The following HEATR4 variants were observed in gnomAD, a reference collection of about 807,000 sequenced individuals.
HEATR4 encodes HEAT repeat containing 4.
A neutral mutation model predicts 108.8 loss-of-function variants in HEATR4; 95 were observed. That is an observed-to-expected ratio of 0.87 (90% CI 0.74 to 1.04). The LOEUF is 1.04. Among genes scored for constraint, HEATR4 ranks in the 50% least tolerant of loss-of-function variants. HEATR4 has a pLI of 0.00. For missense variants in HEATR4, 1,152 were observed against 1,253.8 expected (o/e 0.92, Z 1.23); for synonymous variants, 443 against 459.4 (o/e 0.96, Z 0.46).
chr14:73,489,229 G>T (rs924011277), intron 17 of HEATR4, among the ~76,000 whole-genome samples: 1 of 151,942 alleles, frequency 6.6e-6, no homozygotes, highest in Non-Finnish European at 1.5e-5. Context: ...ACAACCCCTA[G>T]CCCCCTATAT....
intron 12 of HEATR4, 59 bp from the exon 13 acceptor site, chr14:73,499,199 A>G (rs1886274985): frequency 6.8e-7 from 1 of 1,474,042 alleles, no homozygotes; most frequent in African/African-American, 1.4e-5. Context: ...AACCAGAAAC[A>G]GCTGGGTGCG....
the HEATR4 span, among the ~76,000 whole-genome samples, chr14:73,597,070 T>TTTTATTTATTTATTTATTTATTTATTTA: frequency 6.7e-6 from 1 of 148,800 alleles, no homozygotes; most frequent in African/African-American, 2.5e-5. Flanking sequence ...GGTAATTTTA[T>TTTTATTTATTTATTTATTTATTTATTTA]TTTATTTATT....
At chr14:73,539,343 C>T (rs113968912) in intron 1 of HEATR4, 1 of 122,478 alleles carries the variant, frequency 8.2e-6, no homozygotes, top group Non-Finnish European at 1.8e-5. Context: ...CTCTTGGCCT[C>T]GAATGGTATC....
At chr14:73,589,166 A>G in the HEATR4 span, among the ~76,000 whole-genome samples, 2 of 152,302 alleles carry the variant, frequency 1.3e-5, no homozygotes, top group East Asian at 3.9e-4. Flanking sequence ...GTATAATGAC[A>G]TGTATCCACC....
chr14:73,613,194 G>A, the HEATR4 span, among the ~76,000 whole-genome samples: 1 of 152,136 alleles, frequency 6.6e-6, no homozygotes, highest in Non-Finnish European at 1.5e-5. Flanking sequence ...CTGGAGTGCC[G>A]TGGCTGGATC....
At chr14:73,485,631 G>A (rs1047637110) in intron 17 of HEATR4, among the ~76,000 whole-genome samples, 1 of 152,108 alleles carries the variant, frequency 6.6e-6, no homozygotes, top group African/African-American at 2.4e-5. Context: ...CCAGCACTTT[G>A]GGAGGCCAAG....
the HEATR4 span, among the ~76,000 whole-genome samples, chr14:73,566,037 G>C: frequency 1.3e-4 from 20 of 152,072 alleles, no homozygotes; most frequent in Non-Finnish European, 2.1e-4. Flanking sequence ...GTCCCCACCA[G>C]AATAGTTAGA....
intron 6 of HEATR4, among the ~76,000 whole-genome samples, chr14:73,513,788 A>T: frequency 6.7e-6 from 1 of 149,778 alleles, no homozygotes; most frequent in East Asian, 2.0e-4. Flanking sequence ...TCTGCAGTGT[A>T]ATAATGAGTT....
chr14:73,573,186 T>C, the HEATR4 span, among the ~76,000 whole-genome samples: 3 of 152,112 alleles, frequency 2.0e-5, no homozygotes, highest in East Asian at 1.9e-4. Flanking sequence ...ATTTGGGTTG[T>C]TTCCAGTCTT....
the HEATR4 span, among the ~76,000 whole-genome samples, chr14:73,570,148 G>A: frequency 6.6e-6 from 1 of 150,690 alleles, no homozygotes; most frequent in African/African-American, 2.4e-5. Context: ...TTCACACGAA[G>A]AAGGGATGTA....
chr14:73,524,310 A>AAAAAATATAT, intron 2 of HEATR4, among the ~76,000 whole-genome samples: 27 of 54,774 alleles, frequency 4.9e-4, no homozygotes, highest in Admixed American at 8.4e-4. Context: ...AAAAAAAAAA[A>AAAAAATATAT]ATATATATAT....
chr14:73,481,576 C>T lies in HEATR4; in HGVS notation c.2845-2734G>A, dbSNP rs1359751212. Among the ~76,000 whole-genome samples, 2 of 151,742 alleles carry T rather than the reference C, an allele frequency of 1.3e-5. 1 individual carries two copies. The highest frequency in any genetic ancestry group is 4.8e-5 in the African/African-American group (2 of 41,300). On this transcript the variant is annotated intron_variant, in intron 17 of 17. Coordinates refer to ENST00000553558, the MANE Select transcript of HEATR4 (RefSeq NM_001220484.1). ...TAAAAAAAGGCCGGGCATGGTGGCT[C>T]ATGCCTGTAATCCCAAGCACTTTGG...
At chr14:73,612,609 G>A in the HEATR4 span, 6 of 1,418,702 alleles carry the variant, frequency 4.2e-6, no homozygotes, top group Non-Finnish European at 4.6e-6. Flanking sequence ...GCGGGCCGCT[G>A]CTGCTGGGAC....
chr14:73,523,674 C>T (rs1888113477), intron 2 of HEATR4, among the ~76,000 whole-genome samples: 1 of 152,180 alleles, frequency 6.6e-6, no homozygotes, highest in Non-Finnish European at 1.5e-5. Context: ...TATCCTCTCT[C>T]CACATAATGA....
chr14:73,579,316 C>A, the HEATR4 span, among the ~76,000 whole-genome samples: 2 of 140,596 alleles, frequency 1.4e-5, no homozygotes, highest in African/African-American at 5.2e-5. Context: ...GTGGCTCATG[C>A]CTGTAATCCC....
the HEATR4 span, among the ~76,000 whole-genome samples, chr14:73,597,586 C>CTTTTCTTT: frequency 5.6e-5 from 7 of 124,366 alleles, no homozygotes; most frequent in Non-Finnish European, 1.0e-4. Flanking sequence ...TTTCTTTTTT[C>CTTTTCTTT]TTTTCTTTTT....
chr14:73,533,881 T>TAAAA (rs59844752), intron 1 of HEATR4, among the ~76,000 whole-genome samples: 1 of 37,974 alleles, frequency 2.6e-5, no homozygotes, highest in African/African-American at 7.4e-5. Context: ...ACCCTGTCTC[T>TAAAA]AAAAAAAAAA....
the HEATR4 span, among the ~76,000 whole-genome samples, chr14:73,627,647 C>T: frequency 6.6e-6 from 1 of 152,170 alleles, no homozygotes; most frequent in Non-Finnish European, 1.5e-5. Context: ...CCAGGAACCT[C>T]CATGTGTTCA....
the HEATR4 span, among the ~76,000 whole-genome samples, chr14:73,624,419 G>A: frequency 3.9e-5 from 6 of 151,958 alleles, no homozygotes; most frequent in African/African-American, 7.3e-5. Flanking sequence ...ATGAGCCAAC[G>A]CGCCCCGCCC....
Sources: gnomAD v4.1 joint callset for allele counts (sites outside exome capture counted in the v4.1 genomes callset) on GRCh38, gnomAD v4.1.1 for gene constraint, MANE v1.5 for transcripts, NCBI Gene and HGNC (gene_info 2026-07-23, HGNC 2026-07-21) for gene names.